Variants in TPST1 observed in about 807,000 individuals in gnomAD.
TPST1 encodes tyrosylprotein sulfotransferase 1, also known as protein-tyrosine sulfotransferase 1.
A neutral mutation model predicts 34.8 loss-of-function variants in TPST1; 20 were observed. The ratio of observed to expected loss-of-function variants is 0.57; its 90% CI spans 0.40 to 0.84. The LOEUF (loss-of-function observed/expected upper bound fraction) is 0.84, where lower values mean the gene tolerates loss of function less well. Ranked by LOEUF, TPST1 falls within the 40% of genes least tolerant of loss-of-function variation. The pLI is 0.00. For missense variants in TPST1, 353 were observed against 455.5 expected (o/e 0.78, Z 2.05); for synonymous variants, 152 against 159.4 (o/e 0.95, Z 0.35).
intron 3 of TPST1, among the ~76,000 whole-genome samples, chr7:66,348,321 C>G (rs543215844): frequency 6.6e-6 from 1 of 152,282 alleles, no homozygotes; most frequent in Admixed American, 6.5e-5. Flanking sequence ...CAGAAGCTTC[C>G]CATTTCACTA....
chr7:66,261,699 T>C (rs943324181), intron 2 of TPST1, among the ~76,000 whole-genome samples: 2 of 152,186 alleles, frequency 1.3e-5, no homozygotes, highest in African/African-American at 4.8e-5. Flanking sequence ...TCATATTGGG[T>C]TCAGATCTTG....
intron 2 of TPST1, among the ~76,000 whole-genome samples, chr7:66,250,053 A>G (rs760247311): frequency 5.3e-5 from 8 of 152,200 alleles, no homozygotes; most frequent in Admixed American, 2.0e-4. Flanking sequence ...ATCAAATACT[A>G]TCTCTCTCCG....
chr7:66,341,735 AAG>A (rs1437010728), intron 3 of TPST1, among the ~76,000 whole-genome samples: 1 of 152,226 alleles, frequency 6.6e-6, no homozygotes, highest in East Asian at 1.9e-4. Context: ...TCTCTAACAT[AAG>A]AGAGACCAAA....
intron 2 of TPST1, among the ~76,000 whole-genome samples, chr7:66,245,477 C>T (rs548569457): frequency 3.3e-5 from 5 of 152,256 alleles, no homozygotes; most frequent in South Asian, 2.1e-4. Context: ...ATGAGAAACC[C>T]GATCAGATCC....
intron 3 of TPST1, among the ~76,000 whole-genome samples, chr7:66,287,132 A>G (rs1791061355): frequency 7.1e-6 from 1 of 140,298 alleles, no homozygotes; most frequent in Admixed American, 7.4e-5. Context: ...GCAATAGTTT[A>G]CTGAGAATGA....
chr7:66,243,610 A>ATTTTTTTTTT (rs10627680), intron 2 of TPST1, among the ~76,000 whole-genome samples: 3 of 123,376 alleles, frequency 2.4e-5, no homozygotes, highest in Non-Finnish European at 3.2e-5. Flanking sequence ...TGCCCAGCTA[A>ATTTTTTTTTT]TTTTTTTTTT....
At chr7:66,240,295 T>A (rs886863803) in intron 1 of TPST1, 30 bp from the exon 2 acceptor site, 2 of 1,143,740 alleles carry the variant, frequency 1.7e-6, no homozygotes, top group African/African-American at 3.1e-5. Flanking sequence ...CTCAATGTAA[T>A]GATAAATAAC....
At chr7:66,274,407 G>A (rs986960304) in intron 2 of TPST1, among the ~76,000 whole-genome samples, 1 of 151,808 alleles carries the variant, frequency 6.6e-6, no homozygotes, top group Non-Finnish European at 1.5e-5. Flanking sequence ...AAAGTGCTGG[G>A]ATTACAGGCA....
At chr7:66,306,070 G>A (rs1362344869) in intron 3 of TPST1, among the ~76,000 whole-genome samples, 3 of 152,112 alleles carry the variant, frequency 2.0e-5, no homozygotes, top group Admixed American at 6.5e-5. Flanking sequence ...TACAACAAAG[G>A]CGATGGGAGA....
intron 2 of TPST1, among the ~76,000 whole-genome samples, chr7:66,265,713 GT>G (rs1790579605): frequency 6.6e-6 from 1 of 152,162 alleles, no homozygotes; most frequent in African/African-American, 2.4e-5. Context: ...TAATCAAACT[GT>G]TGAAAGCCAA....
At position 66,241,124 on chromosome 7, in the gene TPST1, G is replaced by A. The variant is rs549585903; in HGVS notation, c.699G>A (p.Lys233=). 1.2e-6 allele frequency: 2 copies of A among 1,614,164 alleles called. No homozygotes were observed. The highest frequency in any genetic ancestry group is 1.7e-5 in the Admixed American group (1 of 60,018). The change falls in exon 2 of 6, where the codon AAG becomes AAA. Residue 233 remains lysine, a synonymous_variant. Transcript: ENST00000304842. ...YNQCMEVGYK[K]CMLVHYEQLV... Reference sequence around the variant, plus strand: ...AGTGTATGGAGGTTGGTTATAAAAAGTGCATGTTGGTTCACTATGAACAAC... The same window carrying A: ...AGTGTATGGAGGTTGGTTATAAAAAATGCATGTTGGTTCACTATGAACAAC...
chr7:66,244,891 CAAAT>C (rs1790116539), intron 2 of TPST1, among the ~76,000 whole-genome samples: 1 of 151,946 alleles, frequency 6.6e-6, no homozygotes, highest in African/African-American at 2.4e-5. Context: ...CTATTAAACA[CAAAT>C]AAATTAGAAT....
In TPST1 at chr7:66,324,819, A is replaced by C. The variant is rs866562261; in HGVS notation, c.1045-27686A>C. Among the ~76,000 whole-genome samples, 181 of 150,594 alleles carry C rather than the reference A, an allele frequency of 1.2e-3. 2 individuals are homozygous for C. The highest frequency in any genetic ancestry group is 0.011 in the South Asian group (52 of 4,752). On this transcript the variant is annotated intron_variant, in intron 3 of 5. Coordinates refer to ENST00000304842, the MANE Select transcript of TPST1 (RefSeq NM_003596.4). The stretch of plus-strand genomic sequence containing the variant: ...CTGTCTCAAAAAAAAAAAAAAAAAA[A>C]AAAAAAAAAAACAAGACAAAACACT...
chr7:66,234,286 C>G (rs1468391559), intron 1 of TPST1, among the ~76,000 whole-genome samples: 1 of 152,138 alleles, frequency 6.6e-6, no homozygotes, highest in Non-Finnish European at 1.5e-5. Flanking sequence ...AGCCTAAATG[C>G]CATTTTAAAA....
intron 2 of TPST1, among the ~76,000 whole-genome samples, chr7:66,279,774 T>A (rs898438825): frequency 1.3e-5 from 2 of 152,212 alleles, no homozygotes; most frequent in African/African-American, 2.4e-5. Context: ...GATGTGGAAA[T>A]AATGTATTTG....
rs552412783 is a variant in TPST1 at position 66,230,628 on chromosome 7, G to A, written c.-101-9697G>A. On this transcript the variant is annotated intron_variant, in intron 1 of 5. Coordinates refer to ENST00000304842, the MANE Select transcript of TPST1 (RefSeq NM_003596.4). ...TTCAGGAGTGAAGCTGCAGATCTTC[G>A]TGGTGAGTGTTACAGCTCATAAAAG... Among the ~76,000 whole-genome samples the A allele has an allele frequency of 2.6e-5, 4 of 152,286 alleles. No individual in the cohort carries two copies. The East Asian group carries it at 5.8e-4, about 22-fold the overall frequency.
chr7:66,265,651 C>T (rs932627867), intron 2 of TPST1, among the ~76,000 whole-genome samples: 2 of 152,046 alleles, frequency 1.3e-5, no homozygotes, highest in Admixed American at 6.5e-5. Flanking sequence ...ATACAAGAAG[C>T]TCAGTAAACT....
chr7:66,344,672 A>G (rs1792305860), intron 3 of TPST1, among the ~76,000 whole-genome samples: 1 of 151,890 alleles, frequency 6.6e-6, no homozygotes, highest in African/African-American at 2.4e-5. Context: ...TGGCCTCCCA[A>G]AGTGCTGGGA....
chr7:66,284,510 T>C (rs752228627), intron 2 of TPST1, among the ~76,000 whole-genome samples: 5 of 151,696 alleles, frequency 3.3e-5, no homozygotes, highest in Non-Finnish European at 5.9e-5. Flanking sequence ...CTCCTTTCTC[T>C]TTTTCTTCAC....
Sources: gnomAD v4.1 joint callset for allele counts (sites outside exome capture counted in the v4.1 genomes callset) on GRCh38, gnomAD v4.1.1 for gene constraint, MANE v1.5 for transcripts, NCBI Gene and HGNC (gene_info 2026-07-23, HGNC 2026-07-21) for gene names.